RCAN2: variants seen among roughly 807,000 people sequenced by gnomAD.
The protein encoded by RCAN2 is calcipressin-2.
Under a neutral mutation model 23.6 loss-of-function variants are expected in RCAN2, and 9 were observed. That is an observed-to-expected ratio of 0.38 (90% CI 0.23 to 0.67). The LOEUF (loss-of-function observed/expected upper bound fraction) is 0.67. Ranked by LOEUF, RCAN2 falls within the 30% of genes least tolerant of loss-of-function variation. The probability of loss-of-function intolerance (pLI) is 0.51; values close to 1 mark genes in which losing one functional copy is unlikely to be tolerated. For missense variants in RCAN2, 273 were observed against 302.3 expected (o/e 0.90, Z 0.72); for synonymous variants, 109 against 115.7 (o/e 0.94, Z 0.37).
At chr6:46,280,081 T>C (rs959523141) in intron 2 of RCAN2, among the ~76,000 whole-genome samples, 1 of 152,156 alleles carries the variant, frequency 6.6e-6, no homozygotes, top group African/African-American at 2.4e-5. Flanking sequence ...CATGCCTTAG[T>C]ACTCCTAGTA....
At chr6:46,248,129 AT>A (rs1766583818) in intron 3 of RCAN2, among the ~76,000 whole-genome samples, 1 of 152,206 alleles carries the variant, frequency 6.6e-6, no homozygotes, top group East Asian at 1.9e-4. Flanking sequence ...CATGATGGAT[AT>A]TGATTTCTAT....
In RCAN2 at chr6:46,476,161, C is replaced by T. The variant is rs546953779; in HGVS notation, c.-3+15012G>A. Among the ~76,000 whole-genome samples, 4 of 152,298 alleles carry T rather than the reference C, an allele frequency of 2.6e-5. No individual in the cohort carries two copies. In the South Asian group the frequency reaches 8.3e-4, roughly 32 times the overall value. On this transcript the variant is annotated intron_variant, in intron 1 of 4. Coordinates refer to ENST00000371374, the MANE Select transcript of RCAN2 (RefSeq NM_001251974.2). ...GGCAGTTATTATAATCCCCATTTTACAGAGTAGAAAACTGAAGCTCAGTTG... is the reference window on the plus strand; with the variant it reads ...GGCAGTTATTATAATCCCCATTTTATAGAGTAGAAAACTGAAGCTCAGTTG...
In RCAN2 at chr6:46,308,480, G is replaced by A. The variant is rs146121306; in HGVS notation, c.226-59584C>T. Among the ~76,000 whole-genome samples the A allele has an allele frequency of 7.9e-5, 12 of 152,228 alleles. No homozygotes were observed. The East Asian group carries it at 1.5e-3, about 20-fold the overall frequency. On this transcript the variant is annotated intron_variant, in intron 2 of 4. Coordinates refer to ENST00000371374, the MANE Select transcript of RCAN2 (RefSeq NM_001251974.2). ...CAAATGTGGTTGGGCAGGGCCAGAGGTGCTTTTGAGCACAGTCTAGGGTGG... is the reference window on the plus strand; with the variant it reads ...CAAATGTGGTTGGGCAGGGCCAGAGATGCTTTTGAGCACAGTCTAGGGTGG...
At chr6:46,362,052 T>C (rs2150384005) in intron 2 of RCAN2, among the ~76,000 whole-genome samples, 1 of 152,336 alleles carries the variant, frequency 6.6e-6, no homozygotes, top group South Asian at 2.1e-4. Context: ...AAGTTTCATT[T>C]CACAAACTGA....
chr6:46,299,064 G>T (rs986970678), intron 2 of RCAN2, among the ~76,000 whole-genome samples: 4 of 151,960 alleles, frequency 2.6e-5, no homozygotes, highest in Admixed American at 2.6e-4. Flanking sequence ...AATACACAGG[G>T]ACATAATGAT....
intron 1 of RCAN2, among the ~76,000 whole-genome samples, chr6:46,484,472 T>TAATGC (rs1752611352): frequency 6.6e-6 from 1 of 152,178 alleles, no homozygotes; most frequent in Admixed American, 6.5e-5. Context: ...ACAACAGAAC[T>TAATGC]AATGCAAATA....
intron 2 of RCAN2, among the ~76,000 whole-genome samples, chr6:46,408,857 G>C (rs994644069): frequency 6.6e-6 from 1 of 152,114 alleles, no homozygotes; most frequent in African/African-American, 2.4e-5. Context: ...TGGATGCCTG[G>C]TATCCTGTTT....
chr6:46,415,165 G>A (rs1249924702), intron 2 of RCAN2, among the ~76,000 whole-genome samples: 1 of 152,166 alleles, frequency 6.6e-6, no homozygotes, highest in Non-Finnish European at 1.5e-5. Flanking sequence ...CAACTGCGGA[G>A]GATAGAGTCA....
At chr6:46,327,334 G>A (rs985718310) in intron 2 of RCAN2, among the ~76,000 whole-genome samples, 1 of 151,280 alleles carries the variant, frequency 6.6e-6, no homozygotes. Context: ...CTTGAAATAC[G>A]GGAAAGATAC....
In RCAN2 at chr6:46,246,947, C is replaced by T; in HGVS notation, c.400-28G>A. The stretch of plus-strand genomic sequence containing the variant: ...TTCAAATAGAGTAGAGATGAAGAAA[C>T]TTATTCATCATGGCTTCAGATGTGT... On this transcript the variant is annotated intron_variant, in intron 3 of 4. Transcript: ENST00000371374. 3 of 1,475,594 alleles carry T rather than the reference C, an allele frequency of 2.0e-6. No individual in the cohort carries two copies. The South Asian group carries it at 4.2e-5, about 21-fold the overall frequency. The allele number at this position is 1,475,594 out of a possible 1,614,324, so 91.4% of individuals were successfully genotyped here. A position where few individuals can be genotyped will look rare whatever the true frequency, so the allele number is the denominator to read the frequency against.
intron 1 of RCAN2, among the ~76,000 whole-genome samples, chr6:46,474,345 G>T (rs1180755094): frequency 1.3e-5 from 2 of 152,056 alleles, no homozygotes; most frequent in Non-Finnish European, 2.9e-5. Flanking sequence ...AGGCGGTGGG[G>T]AGGCAGGGGG....
chr6:46,386,534 G>A (rs1201675426), intron 2 of RCAN2, among the ~76,000 whole-genome samples: 10 of 150,844 alleles, frequency 6.6e-5, no homozygotes, highest in Admixed American at 6.6e-4. Flanking sequence ...CTTGAACTAG[G>A]GAGGTGGAGG....
chr6:46,410,692 A>G (rs1766525111), intron 2 of RCAN2, among the ~76,000 whole-genome samples: 1 of 152,238 alleles, frequency 6.6e-6, no homozygotes, highest in Non-Finnish European at 1.5e-5. Context: ...CATAGGAATA[A>G]CCTGCAGGAA....
chr6:46,414,159 A>T (rs578033152), intron 2 of RCAN2, among the ~76,000 whole-genome samples: 1 of 152,204 alleles, frequency 6.6e-6, no homozygotes, highest in Non-Finnish European at 1.5e-5. Context: ...GGACTTTAAA[A>T]ATTAATTTTC....
At chr6:46,449,611 A>C (rs1767815973) in intron 2 of RCAN2, among the ~76,000 whole-genome samples, 4 of 151,776 alleles carry the variant, frequency 2.6e-5, no homozygotes, top group Admixed American at 2.6e-4. Context: ...CATGGTACTA[A>C]CATAAAAACA....
At position 46,457,277 on chromosome 6, in the gene RCAN2, A is replaced by G. The variant is rs79931755; in HGVS notation, c.-2-299T>C. 1.9e-3 allele frequency among the ~76,000 whole-genome samples: 286 copies of G among 152,344 alleles called. 5 individuals are homozygous for G. The East Asian group carries it at 0.047, about 25-fold the overall frequency. ...ATCACCACCACTACTACCAATGTCT[A>G]TCGTGTATTGAGTTCCAGGCACTAT... is the stretch of plus-strand genomic sequence containing the variant. On this transcript the variant is annotated intron_variant, in intron 1 of 4. Transcript: ENST00000371374.
At chr6:46,465,230 TAAAG>T (rs1768340867) in intron 1 of RCAN2, among the ~76,000 whole-genome samples, 1 of 152,106 alleles carries the variant, frequency 6.6e-6, no homozygotes, top group Non-Finnish European at 1.5e-5. Context: ...AAGTTGTTCT[TAAAG>T]ACAGAAAAAC....
At chr6:46,367,976 T>C (rs902374422) in intron 2 of RCAN2, among the ~76,000 whole-genome samples, 1 of 152,300 alleles carries the variant, frequency 6.6e-6, no homozygotes, top group East Asian at 1.9e-4. Context: ...TTATATATAA[T>C]GGCCAGCTAT....
At chr6:46,447,286 A>G (rs1237322166) in intron 2 of RCAN2, among the ~76,000 whole-genome samples, 1 of 152,058 alleles carries the variant, frequency 6.6e-6, no homozygotes, top group Non-Finnish European at 1.5e-5. Context: ...ACGGTTGTAA[A>G]TATACATGTG....
Sources: gnomAD v4.1 joint callset for allele counts (sites outside exome capture counted in the v4.1 genomes callset) on GRCh38, gnomAD v4.1.1 for gene constraint, MANE v1.5 for transcripts, NCBI Gene and HGNC (gene_info 2026-07-23, HGNC 2026-07-21) for gene names.